HDX: variants seen among roughly 807,000 people sequenced by gnomAD.
HDX encodes the protein chromosome X open reading frame 43.
A neutral mutation model predicts 45.2 loss-of-function variants in HDX; 19 were observed. The ratio of observed to expected loss-of-function variants is 0.42; its 90% CI spans 0.29 to 0.62. The LOEUF is 0.62. Among genes scored for constraint, HDX ranks in the 20% least tolerant of loss-of-function variants. HDX has a pLI of 0.20. For missense variants in HDX, 532 were observed against 493.9 expected (o/e 1.08, Z -0.73); for synonymous variants, 188 against 172.8 (o/e 1.09, Z -0.69).
intron 5 of HDX, among the ~76,000 whole-genome samples, chrX:84,407,904 G>T (rs1045628475): frequency 2.7e-5 from 3 of 110,516 alleles, no homozygotes; most frequent in Admixed American, 9.6e-5. Context: ...TTTGTGTTTT[G>T]CTTCTTAATT....
In HDX at chrX:84,475,349, G is replaced by A. The variant is rs1002629693; in HGVS notation, c.49C>T (p.Arg17Cys). ...TTTGTCATTCCATTTTCATAATAAC[G>A]CTGTAAAATCCTTTGTTGTTCTACA... ...FTVEQQRILQ[R>C]YYENGMTNQS... Residue 17 changes from arginine to cysteine, a missense_variant, in exon 3 of 11, where the codon CGT becomes TGT. Arg to Cys is a radical substitution (Grantham distance 180, BLOSUM62 -3). Around this residue, in one of 3 missense-constraint regions of HDX, gnomAD observed 376 missense variants for 343.7 expected, o/e 1.09. Coordinates refer to ENST00000373177, the MANE Select transcript of HDX (RefSeq NM_001177479.2). 4.3e-6 allele frequency: 5 copies of A among 1,159,416 alleles called. No homozygotes were observed. The highest frequency in any genetic ancestry group is 5.9e-6 in the Non-Finnish European group (5 of 853,316).
intron 6 of HDX, among the ~76,000 whole-genome samples, chrX:84,354,930 C>CATATATATATATATAT (rs72331919): frequency 1.3e-5 from 1 of 74,838 alleles, no homozygotes; most frequent in Non-Finnish European, 2.5e-5. Flanking sequence ...CACACACACA[C>CATATATATATATATAT]ATATATATAT....
chrX:84,451,528 C>CA lies in HDX; in HGVS notation c.1252-10944dup, dbSNP rs34145363. Among the ~76,000 whole-genome samples, 291 of 102,802 alleles carry CA rather than the reference C, an allele frequency of 2.8e-3. 1 individual carries two copies. The highest frequency in any genetic ancestry group is 0.01 in the South Asian group (25 of 2,395). The allele number at this position is 102,802 out of a possible 115,157, so 89.3% of individuals were successfully genotyped here. ...AAAATTACTGAGATTGAATCAGTAA[C>CA]AAAAAAAAAAATTCTACCAGAAAAG... On this transcript the variant is annotated intron_variant, in intron 4 of 10. Coordinates refer to ENST00000373177, the MANE Select transcript of HDX (RefSeq NM_001177479.2).
At chrX:84,323,387 T>C (rs1464022417) in intron 10 of HDX, among the ~76,000 whole-genome samples, 3 of 111,023 alleles carry the variant, frequency 2.7e-5, no homozygotes, top group Non-Finnish European at 5.7e-5. Context: ...CTGATCAGTC[T>C]ATATGACATA....
intron 5 of HDX, among the ~76,000 whole-genome samples, chrX:84,374,105 T>A (rs1254463839): frequency 9.0e-6 from 1 of 110,870 alleles, no homozygotes; most frequent in African/African-American, 3.3e-5. Context: ...AGCATTCTTA[T>A]ACACCAATAA....
At chrX:84,419,772 G>A (rs1422198707) in intron 5 of HDX, among the ~76,000 whole-genome samples, 1 of 112,016 alleles carries the variant, frequency 8.9e-6, no homozygotes, top group Non-Finnish European at 1.9e-5. Flanking sequence ...TGGCCACAGG[G>A]GTGCTGATGT....
At chrX:84,466,913 T>A (rs1429891445) in intron 4 of HDX, among the ~76,000 whole-genome samples, 1 of 111,588 alleles carries the variant, frequency 9.0e-6, no homozygotes, top group Non-Finnish European at 1.9e-5. Flanking sequence ...TTATATAAAG[T>A]GACCAAAGGT....
intron 2 of HDX, among the ~76,000 whole-genome samples, chrX:84,477,966 C>T (rs1187710466): frequency 9.0e-6 from 1 of 111,414 alleles, no homozygotes; most frequent in Non-Finnish European, 1.9e-5. Flanking sequence ...AATAAGACAA[C>T]CTCGGTTTAT....
chrX:84,474,743 A>G (rs978216887), intron 3 of HDX, among the ~76,000 whole-genome samples: 57 of 112,486 alleles, frequency 5.1e-4, no homozygotes, highest in African/African-American at 1.7e-3. Flanking sequence ...ATTGTGATAA[A>G]GAAAAATTTA....
chrX:84,321,818 A>G lies in HDX; in HGVS notation c.*71T>C, dbSNP rs2036602386. ...AACTAAAGAATACCAGGGCAACAGA[A>G]TGCAGTTATCTTGAAATGCACACCT... is the stretch of plus-strand genomic sequence containing the variant. On this transcript the variant is annotated 3_prime_UTR_variant, in exon 11 of 11. Coordinates refer to ENST00000373177, the MANE Select transcript of HDX (RefSeq NM_001177479.2). 8 of 870,159 alleles carry G rather than the reference A, an allele frequency of 9.2e-6. No homozygotes were observed. The Admixed American group carries it at 2.4e-4, about 26-fold the overall frequency. The allele number at this position is 870,159 out of a possible 1,213,427, so 71.7% of individuals were successfully genotyped here. A position where few individuals can be genotyped will look rare whatever the true frequency, so the allele number is the denominator to read the frequency against.
chrX:84,420,867 A>G (rs2039237084), intron 5 of HDX, among the ~76,000 whole-genome samples: 1 of 111,993 alleles, frequency 8.9e-6, no homozygotes, highest in Non-Finnish European at 1.9e-5. Context: ...GGAAAAAACA[A>G]AAACAAACAA....
intron 9 of HDX, among the ~76,000 whole-genome samples, chrX:84,327,499 T>C (rs776713703): frequency 4.5e-5 from 5 of 111,745 alleles, no homozygotes; most frequent in African/African-American, 6.5e-5. Context: ...AATGGTCGAT[T>C]GATTTTCAAC....
intron 8 of HDX, 144 bp from the exon 9 acceptor site, chrX:84,333,986 T>C (rs1301010950): frequency 2.8e-6 from 1 of 353,223 alleles, no homozygotes; most frequent in Non-Finnish European, 5.0e-6. Context: ...GGCTCCTCAG[T>C]GTTACATATA....
chrX:84,345,594 A>G (rs756486027), intron 6 of HDX, among the ~76,000 whole-genome samples: 1 of 111,919 alleles, frequency 8.9e-6, no homozygotes, highest in South Asian at 3.6e-4. Context: ...GCCATTGTGA[A>G]CAGTAATTTA....
At chrX:84,408,970 C>T (rs1022009463) in intron 5 of HDX, among the ~76,000 whole-genome samples, 2 of 110,861 alleles carry the variant, frequency 1.8e-5, no homozygotes, top group African/African-American at 6.6e-5. Context: ...CTGACAGAGT[C>T]TATGGGGTTT....
chrX:84,464,056 T>A (rs751074798), intron 4 of HDX, among the ~76,000 whole-genome samples: 1 of 111,499 alleles, frequency 9.0e-6, no homozygotes, highest in East Asian at 2.8e-4. Context: ...GAGGCAGCTA[T>A]CTCTGTTATA....
At chrX:84,404,351 T>G (rs2038769147) in intron 5 of HDX, among the ~76,000 whole-genome samples, 1 of 111,732 alleles carries the variant, frequency 8.9e-6, no homozygotes, top group Non-Finnish European at 1.9e-5. Context: ...AATATAGCTG[T>G]GTCACATCTG....
chrX:84,329,670 T>C (rs2036801463), intron 9 of HDX, among the ~76,000 whole-genome samples: 1 of 112,076 alleles, frequency 8.9e-6, no homozygotes, highest in Non-Finnish European at 1.9e-5. Context: ...ATGAATTTTA[T>C]TGTATGAAAA....
chrX:84,399,654 AT>A (rs1268889725), intron 5 of HDX, among the ~76,000 whole-genome samples: 1 of 111,930 alleles, frequency 8.9e-6, no homozygotes, highest in African/African-American at 3.3e-5. Context: ...AGCTGATACC[AT>A]TCTTTCTGAA....
Sources: gnomAD v4.1 joint callset for allele counts (sites outside exome capture counted in the v4.1 genomes callset) on GRCh38, gnomAD v4.1.1 for gene constraint, gnomAD v4.1.1 regional missense constraint, MANE v1.5 for transcripts, NCBI Gene and HGNC (gene_info 2026-07-23, HGNC 2026-07-21) for gene names.